The following RXRG variants were observed in gnomAD, a reference collection of about 807,000 sequenced individuals.
RXRG encodes retinoic acid receptor RXR-gamma.
Under a neutral mutation model 49.2 loss-of-function variants are expected in RXRG, and 19 were observed. That is an observed-to-expected ratio of 0.39 (90% CI 0.27 to 0.57). The LOEUF is 0.57. Among genes scored for constraint, RXRG ranks in the 20% least tolerant of loss-of-function variants. The pLI, the probability that RXRG is intolerant of heterozygous loss-of-function variation, is 0.64. For missense variants in RXRG, 452 were observed against 592.5 expected, an observed-to-expected ratio of 0.76 and a Z score of 2.46; for synonymous variants, 224 against 216.6, an observed-to-expected ratio of 1.03 and a Z score of -0.30.
At chr1:165,424,753 G>A (rs1571279978) in intron 2 of RXRG, 27 of 985,162 alleles carry the variant, frequency 2.7e-5, no homozygotes, top group Non-Finnish European at 3.0e-5. Context: ...GTACTTACGC[G>A]AGAACCAGGT....
In RXRG at chr1:165,403,104, G is replaced by C. The variant is rs185614206; in HGVS notation, c.1245-1694C>G. Among the ~76,000 whole-genome samples the C allele has an allele frequency of 4.2e-4, 64 of 152,312 alleles. No homozygotes were observed. The East Asian group carries it at 0.012, about 28-fold the overall frequency. ...CTATAACTGAGGACATTTGTTGTGAGATTCACAAAAGGGAGAAAGACCAGT... is the reference window on the plus strand; with the variant it reads ...CTATAACTGAGGACATTTGTTGTGACATTCACAAAAGGGAGAAAGACCAGT... On this transcript the variant is annotated intron_variant, in intron 9 of 9. Coordinates refer to ENST00000359842, the MANE Select transcript of RXRG (RefSeq NM_006917.5).
At chr1:165,439,146 A>G (rs563841256) in intron 1 of RXRG, among the ~76,000 whole-genome samples, 1 of 151,938 alleles carries the variant, frequency 6.6e-6, no homozygotes, top group Non-Finnish European at 1.5e-5. Flanking sequence ...TTTTCTCTCA[A>G]TTGATCCAAA....
intron 4 of RXRG, among the ~76,000 whole-genome samples, chr1:165,412,185 T>C (rs1051784896): frequency 4.1e-4 from 63 of 152,116 alleles, no homozygotes; most frequent in Non-Finnish European, 6.6e-4. Context: ...GAACATCTAG[T>C]TTGTCATGCG....
At chr1:165,436,704 A>G (rs1030435463) in intron 1 of RXRG, among the ~76,000 whole-genome samples, 7 of 152,092 alleles carry the variant, frequency 4.6e-5, no homozygotes, top group South Asian at 2.1e-4. Flanking sequence ...TCCAACTCCT[A>G]TCATTTTCAG....
intron 6 of RXRG, 61 bp downstream of exon 6, chr1:165,410,641 T>G: frequency 6.3e-7 from 1 of 1,599,714 alleles, no homozygotes; most frequent in African/African-American, 1.3e-5. Context: ...GCTACTTTTT[T>G]TAGGATCCCA....
At position 165,408,228 on chromosome 1, in the gene RXRG, T is replaced by G. The variant is rs554396885; in HGVS notation, c.1137A>C (p.Pro379=). ...CCCCTGGGGTTGAAGGGCGGTTACC[T>G]GGGTTAAAGAGTACAATGGCTCGCA... The part of the protein sequence containing the change: ...GCLRAIVLFN[P]DAKGLSNPSE... The change falls in exon 8 of 10, where the codon CCA becomes CCC. Residue 379 remains proline, a splice_region_variant and synonymous_variant. Transcript: ENST00000359842. The G allele has an allele frequency of 3.1e-6, 5 of 1,613,260 alleles. No homozygotes were observed. In the Admixed American group the frequency reaches 5.0e-5, roughly 16 times the overall value.
intron 9 of RXRG, among the ~76,000 whole-genome samples, chr1:165,404,044 T>C (rs74121136): frequency 0.043 from 6,481 of 152,330 alleles, 166 homozygotes; most frequent in East Asian, 0.071. Context: ...AATGTGGCCC[T>C]TGTGACATGC....
At chr1:165,430,990 ACTGT>A (rs1253480324) in intron 1 of RXRG, among the ~76,000 whole-genome samples, 1 of 152,044 alleles carries the variant, frequency 6.6e-6, no homozygotes. Context: ...ATTTCCTAAA[ACTGT>A]CTGTTCCTAC....
intron 9 of RXRG, among the ~76,000 whole-genome samples, chr1:165,403,744 A>G (rs1657657482): frequency 6.6e-6 from 1 of 152,218 alleles, no homozygotes; most frequent in African/African-American, 2.4e-5. Flanking sequence ...TTAGACTGGG[A>G]TTAACTTTAA....
rs532410234 is a variant in RXRG at position 165,428,517 on chromosome 1, G to A, written c.297+202C>T. On this transcript the variant is annotated intron_variant, in intron 2 of 9. Coordinates refer to ENST00000359842, the MANE Select transcript of RXRG (RefSeq NM_006917.5). ...TTTTGGTCACAGTCTCCTGGACCAT[G>A]AGGAGTTGTCAGTTCTTCAGGACTG... Among the ~76,000 whole-genome samples the A allele has an allele frequency of 2.6e-5, 4 of 152,370 alleles. No individual in the cohort carries two copies. In the East Asian group the frequency reaches 7.7e-4, roughly 29 times the overall value.
intron 7 of RXRG, among the ~76,000 whole-genome samples, chr1:165,408,924 C>G (rs157861): frequency 0.17 from 26,537 of 152,142 alleles, 2,452 homozygotes; most frequent in Non-Finnish European, 0.2. Flanking sequence ...CTTAATTCTC[C>G]TCTTTACCAG....
At chr1:165,409,800 A>G (rs569752018) in intron 6 of RXRG, 110 bp from the exon 7 acceptor site, 1 of 1,039,438 alleles carries the variant, frequency 9.6e-7, no homozygotes, top group African/African-American at 1.7e-5. Flanking sequence ...AGAATTGACA[A>G]TCTAGGGAGG....
chr1:165,442,112 G>T (rs1416492404), intron 1 of RXRG, among the ~76,000 whole-genome samples: 10 of 152,200 alleles, frequency 6.6e-5, no homozygotes, highest in African/African-American at 2.4e-4. Context: ...AGGGCAGGGG[G>T]TTATACACCA....
chr1:165,426,210 C>T (rs1658481269), intron 2 of RXRG, among the ~76,000 whole-genome samples: 1 of 152,220 alleles, frequency 6.6e-6, no homozygotes, highest in South Asian at 2.1e-4. Flanking sequence ...GAAATGTGTA[C>T]TCTGAAAAAG....
chr1:165,404,680 CATAAT>C (rs1657690008), intron 9 of RXRG, among the ~76,000 whole-genome samples: 1 of 152,130 alleles, frequency 6.6e-6, no homozygotes. Context: ...ACACACGAGA[CATAAT>C]AGATACACGA....
Position 165,420,031 on chromosome 1 carries a change from T to G in RXRG, c.298-17A>C. ...CACATTTAGCTGCAAGAGAAAAAAA[T>G]ACTGTAAAGCACAGAGCCAGAGTAA... On this transcript the variant is annotated splice_polypyrimidine_tract_variant and intron_variant, in intron 2 of 9. Coordinates refer to ENST00000359842, the MANE Select transcript of RXRG (RefSeq NM_006917.5). 1 of 1,584,834 alleles carries G rather than the reference T, an allele frequency of 6.3e-7. No homozygotes were observed. The highest frequency in any genetic ancestry group is 8.6e-7 in the Non-Finnish European group (1 of 1,163,064).
At chr1:165,403,891 A>C (rs1373218331) in intron 9 of RXRG, among the ~76,000 whole-genome samples, 1 of 152,242 alleles carries the variant, frequency 6.6e-6, no homozygotes, top group African/African-American at 2.4e-5. Flanking sequence ...CACACCCATG[A>C]ACGTCACAGC....
intron 7 of RXRG, among the ~76,000 whole-genome samples, chr1:165,408,542 A>G (rs115264497): frequency 0.017 from 2,575 of 152,338 alleles, 35 homozygotes; most frequent in Middle Eastern, 0.031. Flanking sequence ...ATGCCCAGGA[A>G]TATAACTGCC....
At chr1:165,443,204 C>CT (rs1557930062) in intron 1 of RXRG, among the ~76,000 whole-genome samples, 1 of 152,162 alleles carries the variant, frequency 6.6e-6, no homozygotes, top group Admixed American at 6.5e-5. Flanking sequence ...AGCTTCAACC[C>CT]TTTTATTCAC....
Sources: gnomAD v4.1 joint callset for allele counts (sites outside exome capture counted in the v4.1 genomes callset) on GRCh38, gnomAD v4.1.1 for gene constraint, MANE v1.5 for transcripts, NCBI Gene and HGNC (gene_info 2026-07-23, HGNC 2026-07-21) for gene names.